The following BEND4 variants were observed in gnomAD, a reference collection of about 807,000 sequenced individuals.
BEND4 encodes the protein BEN domain containing 4.
BEND4 carries 27 observed loss-of-function variants against 54.7 expected under a neutral mutation model. The ratio of observed to expected loss-of-function variants is 0.49; its 90% CI spans 0.36 to 0.68. The LOEUF is 0.68. Among genes scored for constraint, BEND4 ranks in the 30% least tolerant of loss-of-function variants. BEND4 has a pLI of 0.00. For synonymous variants in BEND4, 327 were observed against 299.5 expected (o/e 1.09, Z -0.95); for missense variants, 702 against 697.2 (o/e 1.01, Z -0.08).
intron 4 of BEND4, among the ~76,000 whole-genome samples, chr4:42,120,735 G>T (rs1260960536): frequency 6.6e-6 from 1 of 151,860 alleles, no homozygotes; most frequent in Admixed American, 6.6e-5. Flanking sequence ...TTTTAATAAG[G>T]TTTTACTTGT....
rs1325795458 is a variant in BEND4, at chr4:42,111,403, G to C, written c.*6115C>G. On this transcript the variant is annotated 3_prime_UTR_variant, in exon 6 of 6. Transcript: ENST00000502486. The stretch of plus-strand genomic sequence containing the variant: ...AAAGGCAACTCGGCCCCGGTGTTAG[G>C]CTGCTACATGAAGTTCCAGAGAGGA... 1.3e-5 allele frequency: 2 copies of C among 152,144 alleles called. No homozygotes were observed. The highest frequency in any genetic ancestry group is 2.9e-5 in the Non-Finnish European group (2 of 68,034). The allele number at this position is 152,144 out of a possible 1,614,324, so 9.4% of individuals were successfully genotyped here. A position where few individuals can be genotyped will look rare whatever the true frequency, so the allele number is the denominator to read the frequency against.
intron 5 of BEND4, chr4:42,119,826 G>C: frequency 2.0e-6 from 1 of 503,068 alleles, no homozygotes; most frequent in East Asian, 3.5e-5. Flanking sequence ...TGAAACATGA[G>C]GTGCTATGCG....
intron 2 of BEND4, 31 bp from the exon 3 acceptor site, chr4:42,144,025 C>A: frequency 6.7e-7 from 1 of 1,494,166 alleles, no homozygotes; most frequent in Non-Finnish European, 9.2e-7. Context: ...CATCAGTGAC[C>A]AACAGCCAAC....
chr4:42,119,980 T>C (rs1719995065), intron 5 of BEND4, 74 bp downstream of exon 5: 10 of 1,581,804 alleles, frequency 6.3e-6, no homozygotes, highest in Non-Finnish European at 7.8e-6. Flanking sequence ...GCTGAACACT[T>C]GTACGGGGAG....
chr4:42,120,562 AAATG>A (rs1389145822), intron 4 of BEND4, among the ~76,000 whole-genome samples: 2 of 152,232 alleles, frequency 1.3e-5, no homozygotes, highest in Non-Finnish European at 2.9e-5. Flanking sequence ...AGGTAGGTTA[AAATG>A]TGTCAAGATC....
Position 42,123,694 on chromosome 4 carries a change from G to GAAAAAAAAAAAAA in BEND4, c.1146+1876_1146+1888dup, listed in dbSNP as rs71664396. On this transcript the variant is annotated intron_variant, in intron 4 of 5. Transcript: ENST00000502486. ...ATATTTACTTTGGATCTGTAATTCAGAAAAAAAAAAAAAAAAAAAAAAACA... is the reference window on the plus strand; with the variant it reads ...ATATTTACTTTGGATCTGTAATTCAGAAAAAAAAAAAAAAAAAAAAAAAAAAAAAAAAAAAACA... Among the ~76,000 whole-genome samples, 63 of 50,800 alleles carry GAAAAAAAAAAAAA rather than the reference G, an allele frequency of 1.2e-3. 2 individuals are homozygous for GAAAAAAAAAAAAA. The highest frequency in any genetic ancestry group is 3.2e-3 in the African/African-American group (42 of 13,324). The allele number at this position is 50,800 out of a possible 152,430, so 33.3% of individuals were successfully genotyped here.
chr4:42,131,383 T>C (rs1221667140), intron 3 of BEND4, among the ~76,000 whole-genome samples: 2 of 152,186 alleles, frequency 1.3e-5, no homozygotes, highest in Admixed American at 6.5e-5. Flanking sequence ...TAGTTAACAA[T>C]GATTACATTT....
rs993141368 is a variant in BEND4, at chr4:42,127,789, G to T, written c.1055-2115C>A. Among the ~76,000 whole-genome samples the T allele has an allele frequency of 5.3e-5, 8 of 152,290 alleles. No individual in the cohort carries two copies. In the South Asian group the frequency reaches 8.3e-4, roughly 16 times the overall value. On this transcript the variant is annotated intron_variant, in intron 3 of 5. Transcript: ENST00000502486. The stretch of plus-strand genomic sequence containing the variant: ...CAAGGTACTACCTTGGATTTTGCTT[G>T]GAAGTTTTAGAGAAATTGTAAAGAC...
chr4:42,151,535 C>T, intron 2 of BEND4, 122 bp downstream of exon 2: 2 of 1,068,746 alleles, frequency 1.9e-6, no homozygotes. Context: ...CCCAGGTGCG[C>T]CCCGACATCC....
chr4:42,139,812 C>T (rs1720824184), intron 3 of BEND4, among the ~76,000 whole-genome samples: 1 of 152,152 alleles, frequency 6.6e-6, no homozygotes, highest in South Asian at 2.1e-4. Flanking sequence ...AAGAAAGCCC[C>T]AGGTCCTTCC....
chr4:42,118,240 T>A (rs1719922934), intron 5 of BEND4, among the ~76,000 whole-genome samples: 1 of 152,224 alleles, frequency 6.6e-6, no homozygotes, highest in Admixed American at 6.5e-5. Context: ...AAGGTACCCA[T>A]GTTCTTAGAA....
At chr4:42,139,417 G>T (rs936513343) in intron 3 of BEND4, among the ~76,000 whole-genome samples, 10 of 151,728 alleles carry the variant, frequency 6.6e-5, no homozygotes, top group Admixed American at 2.6e-4. Context: ...GCCCCTCTCA[G>T]AGTAGTGCCA....
At chr4:42,125,742 A>T (rs1046070404) in intron 3 of BEND4, 68 bp from the exon 4 acceptor site, 4 of 1,162,026 alleles carry the variant, frequency 3.4e-6, no homozygotes, top group Non-Finnish European at 4.8e-6. Context: ...TAAATTTTTT[A>T]AAGTTTTTTT....
At chr4:42,138,753 C>A (rs773250371) in intron 3 of BEND4, among the ~76,000 whole-genome samples, 1 of 152,122 alleles carries the variant, frequency 6.6e-6, no homozygotes, top group Non-Finnish European at 1.5e-5. Flanking sequence ...ATATTTGACA[C>A]TTAGAAAATT....
At chr4:42,119,594 T>C (rs1719982019) in intron 5 of BEND4, among the ~76,000 whole-genome samples, 1 of 152,170 alleles carries the variant, frequency 6.6e-6, no homozygotes, top group African/African-American at 2.4e-5. Context: ...GCAAGGTGTA[T>C]TTTAGCATTA....
intron 3 of BEND4, among the ~76,000 whole-genome samples, chr4:42,127,594 G>A (rs969605838): frequency 3.9e-5 from 6 of 152,222 alleles, no homozygotes; most frequent in East Asian, 1.9e-4. Context: ...TTTTAGTTCC[G>A]GGTTTTTCAC....
At position 42,116,075 on chromosome 4, in the gene BEND4, G is replaced by A. The variant is rs1719816300; in HGVS notation, c.*1443C>T. The A allele has an allele frequency of 6.6e-6, 1 of 152,094 alleles. No homozygotes were observed. The highest frequency in any genetic ancestry group is 2.4e-5 in the African/African-American group (1 of 41,406). The allele number at this position is 152,094 out of a possible 1,614,324, so 9.4% of individuals were successfully genotyped here. ...TACAAACTAAATATTAAATCTAAAG[G>A]ACAATTTATGAGTTTATGTTGACAA... On this transcript the variant is annotated 3_prime_UTR_variant, in exon 6 of 6. Coordinates refer to ENST00000502486, the MANE Select transcript of BEND4 (RefSeq NM_207406.4).
chr4:42,146,031 A>C (rs1410356162), intron 2 of BEND4, among the ~76,000 whole-genome samples: 1 of 152,226 alleles, frequency 6.6e-6, no homozygotes, highest in African/African-American at 2.4e-5. Context: ...TTCTTCTTAG[A>C]ATAGTACTTT....
In BEND4 at chr4:42,114,035, A is replaced by C. The variant is rs1395933901; in HGVS notation, c.*3483T>G. 1 of 152,244 alleles carries C rather than the reference A, an allele frequency of 6.6e-6. No individual in the cohort carries two copies. The highest frequency in any genetic ancestry group is 2.4e-5 in the African/African-American group (1 of 41,466). 9.4% of individuals were successfully genotyped at this position (152,244 alleles called of 1,614,324 possible). On this transcript the variant is annotated 3_prime_UTR_variant, in exon 6 of 6. Coordinates refer to ENST00000502486, the MANE Select transcript of BEND4 (RefSeq NM_207406.4). ...ACAGAAAGTACTTGTAAAATGTTCAAGTAAAATGAGAAAGTACTTGTAAAA... is the reference window on the plus strand; with the variant it reads ...ACAGAAAGTACTTGTAAAATGTTCACGTAAAATGAGAAAGTACTTGTAAAA...
Sources: allele counts gnomAD v4.1 joint callset (sites outside exome capture counted in the v4.1 genomes callset), GRCh38; gene constraint gnomAD v4.1.1; transcripts MANE v1.5; gene names NCBI Gene and HGNC (gene_info 2026-07-23, HGNC 2026-07-21).